The following MLLT3 variants were observed in gnomAD, a reference collection of about 807,000 sequenced individuals.
MLLT3 encodes MLLT3 super elongation complex subunit, also known as protein AF-9.
Under a neutral mutation model 53.2 loss-of-function variants are expected in MLLT3, and 4 were observed. The ratio of observed to expected loss-of-function variants is 0.08; its 90% CI spans 0.04 to 0.17. The LOEUF (loss-of-function observed/expected upper bound fraction) is 0.17, where lower values mean the gene tolerates loss of function less well. Ranked by LOEUF, MLLT3 falls within the 10% of genes least tolerant of loss-of-function variation. The probability of loss-of-function intolerance (pLI) is 1.00; values close to 1 mark genes in which losing one functional copy is unlikely to be tolerated. For synonymous variants in MLLT3, 283 were observed against 230.6 expected, an observed-to-expected ratio of 1.23 and a Z score of -2.06; for missense variants, 569 against 684.0, an observed-to-expected ratio of 0.83 and a Z score of 1.87.
At chr9:20,618,049 ATC>A (rs1820880429) in intron 2 of MLLT3, among the ~76,000 whole-genome samples, 3 of 152,222 alleles carry the variant, frequency 2.0e-5, no homozygotes, top group Non-Finnish European at 4.4e-5. Context: ...CCTAAGGCTC[ATC>A]TCTGTTTAGC....
intron 5 of MLLT3, among the ~76,000 whole-genome samples, chr9:20,400,421 G>A (rs1021845751): frequency 1.3e-5 from 2 of 152,038 alleles, no homozygotes; most frequent in Non-Finnish European, 2.9e-5. Context: ...GATTCCATTG[G>A]AAATTTGTCC....
intron 5 of MLLT3, among the ~76,000 whole-genome samples, chr9:20,377,055 G>C (rs1821784876): frequency 6.6e-6 from 1 of 152,166 alleles, no homozygotes; most frequent in African/African-American, 2.4e-5. Context: ...TGTGTGTTTT[G>C]AGAGTGACGG....
chr9:20,554,800 T>C (rs916175310), intron 2 of MLLT3, among the ~76,000 whole-genome samples: 37 of 152,334 alleles, frequency 2.4e-4, no homozygotes, highest in Admixed American at 2.4e-3. Flanking sequence ...CTTTTGTTCT[T>C]GACCATTTGC....
In MLLT3 at chr9:20,384,896, C is replaced by T. The variant is rs1186272560; in HGVS notation, c.1126-19152G>A. 2.0e-5 allele frequency among the ~76,000 whole-genome samples: 3 copies of T among 152,056 alleles called. No homozygotes were observed. In the East Asian group the frequency reaches 5.8e-4, roughly 29 times the overall value. On this transcript the variant is annotated intron_variant, in intron 5 of 10. Transcript: ENST00000380338. ...TACAGAAAATATAGCACTCCCCAGCCGCACCCTCCTGGGGCTTCTGAAGTC... is the reference window on the plus strand; with the variant it reads ...TACAGAAAATATAGCACTCCCCAGCTGCACCCTCCTGGGGCTTCTGAAGTC...
chr9:20,551,314 A>G (rs1818920309), intron 2 of MLLT3, among the ~76,000 whole-genome samples: 1 of 151,870 alleles, frequency 6.6e-6, no homozygotes, highest in African/African-American at 2.4e-5. Flanking sequence ...GGCCTCTGTG[A>G]CTCTTTAATC....
rs112530670 is a variant in MLLT3 at position 20,434,566 on chromosome 9, A to G, written c.420+13557T>C. 5.5e-3 allele frequency among the ~76,000 whole-genome samples: 837 copies of G among 152,318 alleles called. 5 individuals carry two copies. The highest frequency in any genetic ancestry group is 0.019 in the African/African-American group (806 of 41,580). Reference sequence around the variant, plus strand: ...CACTTGGCTGTCTCTTCAAGGACCCATAACATACTGTGCAGACCTAAATTG... The same window carrying G: ...CACTTGGCTGTCTCTTCAAGGACCCGTAACATACTGTGCAGACCTAAATTG... On this transcript the variant is annotated intron_variant, in intron 4 of 10. Transcript: ENST00000380338.
chr9:20,475,727 A>G (rs1208298294), intron 2 of MLLT3, among the ~76,000 whole-genome samples: 1 of 152,148 alleles, frequency 6.6e-6, no homozygotes, highest in African/African-American at 2.4e-5. Context: ...TTTGACTTCC[A>G]TTACACTGAT....
At chr9:20,577,479 A>T (rs1819684673) in intron 2 of MLLT3, among the ~76,000 whole-genome samples, 1 of 152,190 alleles carries the variant, frequency 6.6e-6, no homozygotes. Context: ...CTCTTAACCC[A>T]TGTACCTTTT....
At position 20,498,227 on chromosome 9, in the gene MLLT3, C is replaced by CAAAAAAAAAAAAAAAAA. The variant is rs529049653; in HGVS notation, c.194-41458_194-41442dup. Reference sequence around the variant, plus strand: ...TAGGTGACAGAGCGAGACGCTGTCTCAAAAAAAAAAAAAAAAAAAAAAAAA... The same window carrying CAAAAAAAAAAAAAAAAA: ...TAGGTGACAGAGCGAGACGCTGTCTCAAAAAAAAAAAAAAAAAAAAAAAAAAAAAAAAAAAAAAAAAA... On this transcript the variant is annotated intron_variant, in intron 2 of 10. Coordinates refer to ENST00000380338, the MANE Select transcript of MLLT3 (RefSeq NM_004529.4). 1.2e-4 allele frequency among the ~76,000 whole-genome samples: 4 copies of CAAAAAAAAAAAAAAAAA among 32,518 alleles called. 1 individual carries two copies. Among genetic ancestry groups the CAAAAAAAAAAAAAAAAA allele is most frequent in the Non-Finnish European group, 2.0e-4 (3 of 15,340 alleles). The allele number at this position is 32,518 out of a possible 152,430, so 21.3% of individuals were successfully genotyped here. A position where few individuals can be genotyped will look rare whatever the true frequency, so the allele number is the denominator to read the frequency against.
At chr9:20,441,163 T>G (rs1020519170) in intron 4 of MLLT3, among the ~76,000 whole-genome samples, 7 of 152,160 alleles carry the variant, frequency 4.6e-5, no homozygotes, top group Non-Finnish European at 1.0e-4. Flanking sequence ...CTCCTGTTTT[T>G]TTCCTTGTCA....
At chr9:20,438,804 A>C (rs1483610655) in intron 4 of MLLT3, among the ~76,000 whole-genome samples, 1 of 152,110 alleles carries the variant, frequency 6.6e-6, no homozygotes, top group African/African-American at 2.4e-5. Context: ...TCCTATCTTA[A>C]GTCACCACAA....
At chr9:20,391,220 A>G (rs1822171444) in intron 5 of MLLT3, among the ~76,000 whole-genome samples, 1 of 152,180 alleles carries the variant, frequency 6.6e-6, no homozygotes, top group Admixed American at 6.5e-5. Flanking sequence ...ACATCAATCA[A>G]TCATTTTGTA....
At chr9:20,506,714 G>A (rs1825388967) in intron 2 of MLLT3, among the ~76,000 whole-genome samples, 1 of 152,062 alleles carries the variant, frequency 6.6e-6, no homozygotes, top group Non-Finnish European at 1.5e-5. Context: ...AAATGATTCT[G>A]AGCTGTCTTC....
In MLLT3 at chr9:20,346,467, G is replaced by A. The variant is rs757513404; in HGVS notation, c.1683C>T (p.Tyr561=). 3 of 1,613,256 alleles carry A rather than the reference G, an allele frequency of 1.9e-6. No homozygotes were observed. Among genetic ancestry groups the A allele is most frequent in the Non-Finnish European group, 2.5e-6 (3 of 1,179,694 alleles). ...CTCAGGATGTTCCAGATGTTTCCAG[G>A]TAACTCTGTAGTTTACGGACTGTGG... is the stretch of plus-strand genomic sequence containing the variant. ...DKTTVRKLQS[Y]LETSGTS is the part of the protein sequence containing the mutation. Residue 561 remains tyrosine, a synonymous_variant, in exon 11 of 11, where the codon TAC becomes TAT. Transcript: ENST00000380338.
intron 2 of MLLT3, among the ~76,000 whole-genome samples, chr9:20,561,239 C>T (rs1003039699): frequency 2.6e-5 from 4 of 152,008 alleles, no homozygotes; most frequent in Non-Finnish European, 4.4e-5. Flanking sequence ...TACACTGAGA[C>T]CAGCAGGACA....
chr9:20,448,774 T>C lies in MLLT3; in HGVS notation c.277-508A>G, dbSNP rs562797098. 2.6e-3 allele frequency among the ~76,000 whole-genome samples: 402 copies of C among 152,322 alleles called. 1 individual carries two copies. The highest frequency in any genetic ancestry group is 8.6e-3 in the African/African-American group (358 of 41,584). ...TCTATATGAAATAAAAATCTAGCCA[T>C]TTTCACTTCCTAGTTAAAATTTCAA... On this transcript the variant is annotated intron_variant, in intron 3 of 10. Transcript: ENST00000380338. This position sits in a 1 kb window ranked among gnomAD's most constrained non-coding sequence, Gnocchi z 4.0.
At chr9:20,521,727 T>C (rs1818064503) in intron 2 of MLLT3, among the ~76,000 whole-genome samples, 2 of 152,226 alleles carry the variant, frequency 1.3e-5, no homozygotes, top group South Asian at 4.1e-4. Flanking sequence ...CAGTGCTTTC[T>C]GTTCTTTAAA....
intron 2 of MLLT3, chr9:20,532,620 G>A (rs1818373025): frequency 7.7e-6 from 2 of 261,268 alleles, no homozygotes; most frequent in South Asian, 2.0e-4. Flanking sequence ...AAAAGCAGGA[G>A]GCCAAGAAAG....
chr9:20,391,475 T>A (rs1057181309), intron 5 of MLLT3, among the ~76,000 whole-genome samples: 2 of 152,168 alleles, frequency 1.3e-5, no homozygotes, highest in African/African-American at 2.4e-5. Context: ...CTTTAAGGCA[T>A]GAAACCAGAA....
Sources: allele counts gnomAD v4.1 joint callset (sites outside exome capture counted in the v4.1 genomes callset), GRCh38; gene constraint gnomAD v4.1.1; non-coding constraint Gnocchi (gnomAD v3.1); transcripts MANE v1.5; gene names NCBI Gene and HGNC (gene_info 2026-07-23, HGNC 2026-07-21).